The following SNCAIP variants were observed in gnomAD, a reference collection of about 807,000 sequenced individuals.
The protein encoded by SNCAIP is synphilin-1.
Under a neutral mutation model 86.7 loss-of-function variants are expected in SNCAIP, and 43 were observed. The ratio of observed to expected loss-of-function variants is 0.50; its 90% CI spans 0.39 to 0.64. The LOEUF (loss-of-function observed/expected upper bound fraction) is 0.64, where lower values mean the gene tolerates loss of function less well. SNCAIP is among the 30% of genes least tolerant of loss of function. The probability of loss-of-function intolerance (pLI) is 0.00; values close to 1 mark genes in which losing one functional copy is unlikely to be tolerated. For synonymous variants in SNCAIP, 417 were observed against 427.2 expected (o/e 0.98, Z 0.29); for missense variants, 981 against 1,103.1 (o/e 0.89, Z 1.57).
At chr5:122,369,154 C>T (rs1247071492) in intron 1 of SNCAIP, among the ~76,000 whole-genome samples, 1 of 152,152 alleles carries the variant, frequency 6.6e-6, no homozygotes, top group Non-Finnish European at 1.5e-5. Context: ...TTCAGCCATC[C>T]TTTCTTAGAA....
intron 8 of SNCAIP, among the ~76,000 whole-genome samples, chr5:122,445,964 G>A (rs976480222): frequency 1.3e-5 from 2 of 151,476 alleles, no homozygotes; most frequent in African/African-American, 4.9e-5. Flanking sequence ...AATGAGTTTA[G>A]ACTTCTAGAA....
At chr5:122,346,646 G>A (rs1758670360) in intron 1 of SNCAIP, among the ~76,000 whole-genome samples, 1 of 152,028 alleles carries the variant, frequency 6.6e-6, no homozygotes, top group African/African-American at 2.4e-5. Flanking sequence ...GAATTTTAGA[G>A]CTGTAAAATT....
At chr5:122,367,095 A>G (rs1376571317) in intron 1 of SNCAIP, among the ~76,000 whole-genome samples, 1 of 152,090 alleles carries the variant, frequency 6.6e-6, no homozygotes, top group African/African-American at 2.4e-5. Flanking sequence ...GGTTGATGGT[A>G]TTGTCAAGTA....
At chr5:122,449,763 T>G in intron 8 of SNCAIP, 82 bp from the exon 9 acceptor site, 1 of 963,090 alleles carries the variant, frequency 1.0e-6, no homozygotes, top group South Asian at 1.3e-5. Flanking sequence ...TTACTGGAAA[T>G]TATTACGAAA....
chr5:122,322,796 A>T (rs1753237804), intron 1 of SNCAIP, among the ~76,000 whole-genome samples: 1 of 152,244 alleles, frequency 6.6e-6, no homozygotes, highest in Admixed American at 6.5e-5. Context: ...AGCCATGTTT[A>T]AGTAATTTGA....
intron 10 of SNCAIP, among the ~76,000 whole-genome samples, chr5:122,462,776 A>G (rs1297434502): frequency 6.6e-6 from 1 of 152,158 alleles, no homozygotes; most frequent in African/African-American, 2.4e-5. Flanking sequence ...TAATTTAGTA[A>G]TATGTGGCCT....
At chr5:122,444,153 A>G (rs932528583) in intron 7 of SNCAIP, 1 of 459,816 alleles carries the variant, frequency 2.2e-6, no homozygotes, top group Non-Finnish European at 4.4e-6. Context: ...ACCAATTACC[A>G]GAGACCAAAT....
chr5:122,409,161 C>T (rs923612369), intron 3 of SNCAIP, among the ~76,000 whole-genome samples: 14 of 152,122 alleles, frequency 9.2e-5, no homozygotes, highest in Non-Finnish European at 1.9e-4. Flanking sequence ...ATATCTACTA[C>T]TCATGTGGGA....
intron 3 of SNCAIP, among the ~76,000 whole-genome samples, chr5:122,405,566 G>A (rs1455756496): frequency 6.6e-6 from 1 of 152,148 alleles, no homozygotes; most frequent in Non-Finnish European, 1.5e-5. Flanking sequence ...CAGCAATTAA[G>A]TTACAGAGCT....
chr5:122,380,684 A>G (rs997242949), intron 1 of SNCAIP, among the ~76,000 whole-genome samples: 2 of 149,266 alleles, frequency 1.3e-5, no homozygotes, highest in South Asian at 2.2e-4. Context: ...ATTTAGTGCT[A>G]TAAATTTCCC....
chr5:122,409,694 G>A (rs1381563175), intron 3 of SNCAIP, among the ~76,000 whole-genome samples: 1 of 152,170 alleles, frequency 6.6e-6, no homozygotes, highest in Non-Finnish European at 1.5e-5. Context: ...TGCAAATTTT[G>A]TGACAAACCC....
At chr5:122,400,277 G>T (rs1422741444) in intron 2 of SNCAIP, among the ~76,000 whole-genome samples, 1 of 152,160 alleles carries the variant, frequency 6.6e-6, no homozygotes, top group Admixed American at 6.6e-5. Context: ...CCTATAGGCT[G>T]TGCAGAGTCT....
intron 1 of SNCAIP, among the ~76,000 whole-genome samples, chr5:122,329,831 C>T (rs185533042): frequency 2.0e-4 from 30 of 152,226 alleles, no homozygotes; most frequent in Non-Finnish European, 2.9e-4. Context: ...CTTAGAATTA[C>T]TCTCATCAAA....
At chr5:122,399,813 C>A (rs563210089) in intron 2 of SNCAIP, among the ~76,000 whole-genome samples, 54 of 152,226 alleles carry the variant, frequency 3.5e-4, no homozygotes, top group Non-Finnish European at 6.8e-4. Flanking sequence ...GACAATGATT[C>A]TACAACTTCA....
chr5:122,423,362 G>T lies in SNCAIP; in HGVS notation c.625G>T (p.Val209Phe). 1.2e-6 allele frequency: 2 copies of T among 1,613,710 alleles called. No individual in the cohort carries two copies. Among genetic ancestry groups the T allele is most frequent in the Non-Finnish European group, 1.7e-6 (2 of 1,179,758 alleles). ...SSSSNMAPFC[V>F]LSPVKSPHLR... is the part of the protein sequence containing the mutation. The stretch of plus-strand genomic sequence containing the variant: ...ATCATCCAACATGGCACCATTTTGT[G>T]TTCTTTCTCCCGTGAAAAGCCCTCA... Residue 209 changes from valine (V) to phenylalanine (F), a missense_variant, in exon 4 of 11, where the codon GTT (valine) becomes TTT (phenylalanine). Transcript: ENST00000261368.
chr5:122,365,336 A>G (rs1009214300), intron 1 of SNCAIP, among the ~76,000 whole-genome samples: 1 of 152,158 alleles, frequency 6.6e-6, no homozygotes, highest in Non-Finnish European at 1.5e-5. Flanking sequence ...TACCAGTGCA[A>G]AAAATGTGGG....
intron 1 of SNCAIP, among the ~76,000 whole-genome samples, chr5:122,382,435 T>C (rs1455233117): frequency 1.3e-5 from 2 of 152,206 alleles, no homozygotes; most frequent in African/African-American, 4.8e-5. Context: ...ATTCTAGTTA[T>C]ACATTCTTCT....
intron 1 of SNCAIP, among the ~76,000 whole-genome samples, chr5:122,362,014 G>A (rs978037674): frequency 1.3e-5 from 2 of 152,196 alleles, no homozygotes; most frequent in African/African-American, 4.8e-5. Context: ...TCCAGCTGTG[G>A]AATCCTAATT....
intron 6 of SNCAIP, among the ~76,000 whole-genome samples, chr5:122,434,816 A>G (rs895770401): frequency 1.3e-5 from 2 of 152,140 alleles, no homozygotes; most frequent in Non-Finnish European, 2.9e-5. Flanking sequence ...GAAGACTGTT[A>G]TTGAACGGTT....
Sources: gnomAD v4.1 joint callset for allele counts (sites outside exome capture counted in the v4.1 genomes callset) on GRCh38, gnomAD v4.1.1 for gene constraint, MANE v1.5 for transcripts, NCBI Gene and HGNC (gene_info 2026-07-23, HGNC 2026-07-21) for gene names.